Variants in PCDH15 observed in about 807,000 individuals in gnomAD.
PCDH15 encodes the protein protocadherin related 15.
A neutral mutation model predicts 178.5 loss-of-function variants in PCDH15; 129 were observed. The observed-to-expected ratio is 0.72, with a 90% CI of 0.63 to 0.84. The LOEUF is 0.84. PCDH15 is among the 40% of genes least tolerant of loss of function. PCDH15 has a pLI of 0.00. For synonymous variants in PCDH15, 800 were observed against 732.0 expected (o/e 1.09, Z -1.50); for missense variants, 2,230 against 2,099.9 (o/e 1.06, Z -1.21).
chr10:54,119,393 T>C (rs1377512127), intron 15 of PCDH15, among the ~76,000 whole-genome samples: 1 of 152,098 alleles, frequency 6.6e-6, no homozygotes, highest in East Asian at 1.9e-4. Flanking sequence ...GATAAAAGAA[T>C]TTAAGAGCTT....
chr10:54,085,484 C>T (rs1431481516), intron 16 of PCDH15, among the ~76,000 whole-genome samples: 1 of 152,036 alleles, frequency 6.6e-6, no homozygotes, highest in Non-Finnish European at 1.5e-5. Context: ...GGGAAGTTGC[C>T]ATATATCTTA....
intron 2 of PCDH15, among the ~76,000 whole-genome samples, chr10:55,461,683 C>G (rs770603840): frequency 2.0e-5 from 3 of 152,012 alleles, no homozygotes; most frequent in Non-Finnish European, 4.4e-5. Context: ...CGGAAACTAT[C>G]TTTACTTTAT....
At chr10:54,329,542 A>G in intron 7 of PCDH15, 54 bp downstream of exon 7, 1 of 1,308,458 alleles carries the variant, frequency 7.6e-7, no homozygotes, top group East Asian at 2.3e-5. Flanking sequence ...ATTTTGGATG[A>G]GTTTTTTACT....
chr10:54,386,159 G>T (rs1732507106), intron 3 of PCDH15, among the ~76,000 whole-genome samples: 1 of 149,410 alleles, frequency 6.7e-6, no homozygotes, highest in Non-Finnish European at 1.5e-5. Flanking sequence ...CTTTAGGGCA[G>T]GGATGTCCAA....
chr10:54,068,868 T>C (rs1590220605), intron 17 of PCDH15, among the ~76,000 whole-genome samples: 1 of 144,486 alleles, frequency 6.9e-6, no homozygotes, highest in South Asian at 2.1e-4. Flanking sequence ...CTTAAGATTA[T>C]TTACTTTAAA....
At chr10:54,960,565 T>C (rs999948380) in intron 2 of PCDH15, among the ~76,000 whole-genome samples, 48 of 152,176 alleles carry the variant, frequency 3.2e-4, no homozygotes, top group African/African-American at 1.2e-3. Context: ...TTTCAGTCAA[T>C]ATGTCCATAA....
chr10:55,311,658 T>C (rs922200819), intron 1 of PCDH15, among the ~76,000 whole-genome samples: 1 of 152,172 alleles, frequency 6.6e-6, no homozygotes, highest in Non-Finnish European at 1.5e-5. Flanking sequence ...GATCAGGTAG[T>C]AGGTAGGCAG....
intron 9 of PCDH15, among the ~76,000 whole-genome samples, chr10:54,233,917 C>T (rs957166359): frequency 6.6e-6 from 1 of 152,138 alleles, no homozygotes; most frequent in Non-Finnish European, 1.5e-5. Flanking sequence ...TTGACAACAG[C>T]CCTTGGATGA....
chr10:54,051,970 C>T (rs1453503005), intron 18 of PCDH15, among the ~76,000 whole-genome samples: 1 of 152,208 alleles, frequency 6.6e-6, no homozygotes, highest in Non-Finnish European at 1.5e-5. Flanking sequence ...AGCCCTAAGC[C>T]TTGGCCGCTT....
chr10:55,249,126 G>A (rs770821488), intron 1 of PCDH15, among the ~76,000 whole-genome samples: 7 of 152,088 alleles, frequency 4.6e-5, no homozygotes, highest in Non-Finnish European at 7.4e-5. Flanking sequence ...ACCAACCTCC[G>A]TATATATGAA....
intron 13 of PCDH15, among the ~76,000 whole-genome samples, chr10:54,175,378 C>T (rs1002861288): frequency 9.2e-5 from 14 of 152,038 alleles, no homozygotes; most frequent in African/African-American, 2.9e-4. Context: ...ATGTTATGTA[C>T]GTGTCCTCCA....
intron 8 of PCDH15, among the ~76,000 whole-genome samples, chr10:54,252,651 T>G (rs1322360283): frequency 2.0e-5 from 3 of 152,208 alleles, no homozygotes; most frequent in African/African-American, 7.2e-5. Flanking sequence ...TTATTCATTA[T>G]GTAAATATAT....
intron 13 of PCDH15, among the ~76,000 whole-genome samples, chr10:54,160,623 T>G (rs2133431676): frequency 6.6e-6 from 1 of 152,252 alleles, no homozygotes; most frequent in Middle Eastern, 3.4e-3. Context: ...AAAATACAGA[T>G]TATGTATTTG....
intron 17 of PCDH15, among the ~76,000 whole-genome samples, chr10:54,076,683 C>G (rs2094348262): frequency 6.6e-6 from 1 of 151,860 alleles, no homozygotes; most frequent in African/African-American, 2.4e-5. Context: ...CAATCATTAA[C>G]AAAGAAAATT....
At chr10:54,931,330 C>T (rs779688887) in intron 2 of PCDH15, among the ~76,000 whole-genome samples, 3 of 152,146 alleles carry the variant, frequency 2.0e-5, no homozygotes, top group Non-Finnish European at 1.5e-5. Context: ...GAAACATCTA[C>T]TAAAACTCAA....
intron 2 of PCDH15, among the ~76,000 whole-genome samples, chr10:54,622,326 G>A (rs1411533513): frequency 6.6e-6 from 1 of 151,128 alleles, no homozygotes; most frequent in Non-Finnish European, 1.5e-5. Context: ...TCCTATCTCT[G>A]ATAAGAAACA....
chr10:53,861,382 A>G (rs1306732506), intron 27 of PCDH15, among the ~76,000 whole-genome samples: 1 of 152,170 alleles, frequency 6.6e-6, no homozygotes, highest in Non-Finnish European at 1.5e-5. Context: ...GGTATTGTTA[A>G]AAAGAAGAGA....
At chr10:54,194,064 A>G (rs1358936996) in intron 11 of PCDH15, among the ~76,000 whole-genome samples, 5 of 114,318 alleles carry the variant, frequency 4.4e-5, no homozygotes, top group South Asian at 5.1e-4. Flanking sequence ...GAAAGATTGA[A>G]AAAAAAAAAA....
At chr10:54,912,858 G>T (rs1433273439) in intron 2 of PCDH15, among the ~76,000 whole-genome samples, 1 of 152,204 alleles carries the variant, frequency 6.6e-6, no homozygotes, top group East Asian at 1.9e-4. Flanking sequence ...AGCTGAGGGG[G>T]TCTCAAATGT....
Sources: allele counts gnomAD v4.1 joint callset (sites outside exome capture counted in the v4.1 genomes callset), GRCh38; gene constraint gnomAD v4.1.1; transcripts MANE v1.5; gene names NCBI Gene and HGNC (gene_info 2026-07-23, HGNC 2026-07-21).